Variants in NCEH1 observed in about 807,000 individuals in gnomAD.
NCEH1 encodes 2-acetyl MAGE hydrolase.
A neutral mutation model predicts 25.4 loss-of-function variants in NCEH1; 9 were observed. That is an observed-to-expected ratio of 0.35 (90% confidence interval 0.21 to 0.62). The LOEUF is 0.62. Ranked by LOEUF, NCEH1 falls within the 20% of genes least tolerant of loss-of-function variation. The pLI, the probability that NCEH1 is intolerant of heterozygous loss-of-function variation, is 0.72. For missense variants in NCEH1, 412 were observed against 501.1 expected (o/e 0.82, Z 1.70); for synonymous variants, 200 against 199.8 (o/e 1.00, Z -0.01).
rs1263277911 is a variant in NCEH1 at position 172,710,947 on chromosome 3, G to A, written c.38C>T (p.Ala13Val). 1 of 1,614,040 alleles carries A rather than the reference G, an allele frequency of 6.2e-7. No individual in the cohort carries two copies. Among genetic ancestry groups the A allele is most frequent in the Non-Finnish European group, 8.5e-7 (1 of 1,180,054 alleles). ...SSCVLLTALV[A>V]LAAYYVYIPL... ...GATGTAGACGTAATAGGCGGCCAGC[G>A]CCACCAGGGCGGTGAGCAGGACACA... is the stretch of plus-strand genomic sequence containing the variant. The change falls in exon 1 of 5, where the codon GCG (alanine) becomes GTG (valine). Residue 13 changes from alanine to valine, a missense_variant. This residue lies in a region of NCEH1 where 178 missense variants were observed against 189.2 expected (regional missense o/e 0.94). Transcript: ENST00000475381.
intron 3 of NCEH1, among the ~76,000 whole-genome samples, chr3:172,636,773 T>C (rs1716613866): frequency 6.6e-6 from 1 of 152,228 alleles, no homozygotes. Context: ...AATCCTACTC[T>C]GTACACCTAG....
intron 1 of NCEH1, among the ~76,000 whole-genome samples, chr3:172,664,916 C>G (rs992376439): frequency 6.6e-6 from 1 of 152,192 alleles, no homozygotes; most frequent in African/African-American, 2.4e-5. Flanking sequence ...CCTCCTTTAG[C>G]TGGGAGAAGT....
At chr3:172,706,196 T>G (rs1320418524) in intron 1 of NCEH1, among the ~76,000 whole-genome samples, 2 of 152,020 alleles carry the variant, frequency 1.3e-5, no homozygotes, top group African/African-American at 4.8e-5. Flanking sequence ...AATAATTTAT[T>G]ACTACATGTT....
Position 172,645,657 on chromosome 3 carries a change from C to T in NCEH1, c.403G>A (p.Ala135Thr), listed in dbSNP as rs770861785. 1.9e-6 allele frequency: 3 copies of T among 1,602,204 alleles called. No individual in the cohort carries two copies. In the African/African-American group the frequency reaches 4.0e-5, roughly 21 times the overall value. The stretch of plus-strand genomic sequence containing the variant: ...ACAATGACAGCATTCAATTCCTCAG[C>T]CATTGCTGTACACAGCTCATCATAA... ...RYYDELCTAM[A>T]EELNAVIVSI... is the part of the protein sequence containing the mutation. Residue 135 changes from alanine to threonine, a missense_variant, in exon 3 of 5, where the codon GCT becomes ACT. Transcript: ENST00000475381.
chr3:172,702,584 C>T (rs966013857), intron 1 of NCEH1, among the ~76,000 whole-genome samples: 8 of 152,188 alleles, frequency 5.3e-5, no homozygotes, highest in East Asian at 1.9e-4. Context: ...TATGTGATGA[C>T]GTCCAGGGTT....
chr3:172,698,964 A>G (rs1388271307), intron 1 of NCEH1, among the ~76,000 whole-genome samples: 1 of 152,256 alleles, frequency 6.6e-6, no homozygotes, highest in Non-Finnish European at 1.5e-5. Flanking sequence ...AACAAAAATA[A>G]AAGTCCTAAA....
At position 172,681,439 on chromosome 3, in the gene NCEH1, G is replaced by A. The variant is rs572648829; in HGVS notation, c.138+29408C>T. ...GAACACAATAAACGTATCCAAAGGT[G>A]AAAATAATGAATTTAACTTGAAACT... On this transcript the variant is annotated intron_variant, in intron 1 of 4. Transcript: ENST00000475381. Among the ~76,000 whole-genome samples the A allele has an allele frequency of 7.2e-5, 11 of 152,250 alleles. No homozygotes were observed. In the South Asian group the frequency reaches 2.3e-3, roughly 32 times the overall value.
intron 3 of NCEH1, among the ~76,000 whole-genome samples, chr3:172,638,274 TCC>T (rs1160216092): frequency 2.1e-4 from 2 of 9,388 alleles, no homozygotes; most frequent in African/African-American, 6.2e-4. Context: ...CGAGACTCTG[TCC>T]AAAAAAAAAA....
At chr3:172,647,263 G>T (rs1443465503) in intron 2 of NCEH1, among the ~76,000 whole-genome samples, 3 of 152,170 alleles carry the variant, frequency 2.0e-5, no homozygotes, top group Non-Finnish European at 4.4e-5. Flanking sequence ...GCCTTGGGAG[G>T]TTCTCTTCTG....
intron 1 of NCEH1, among the ~76,000 whole-genome samples, chr3:172,658,019 C>T (rs1210747336): frequency 2.0e-5 from 3 of 152,180 alleles, no homozygotes; most frequent in South Asian, 4.1e-4. Flanking sequence ...GGGCTGCATT[C>T]TCAGATGGTT....
chr3:172,644,537 C>T (rs939045803), intron 3 of NCEH1, among the ~76,000 whole-genome samples: 2 of 152,226 alleles, frequency 1.3e-5, no homozygotes, highest in African/African-American at 4.8e-5. Flanking sequence ...GGTCCAGAGA[C>T]CTCAGGAACT....
chr3:172,646,430 G>A (rs1194383133), intron 2 of NCEH1, among the ~76,000 whole-genome samples: 3 of 152,090 alleles, frequency 2.0e-5, no homozygotes, highest in African/African-American at 7.2e-5. Flanking sequence ...TCAATTTGAA[G>A]AATATGGTAT....
chr3:172,641,202 T>C (rs932591619), intron 3 of NCEH1, among the ~76,000 whole-genome samples: 7 of 150,802 alleles, frequency 4.6e-5, no homozygotes, highest in Non-Finnish European at 8.8e-5. Context: ...ATATTCTAGA[T>C]TGTATAAATG....
intron 1 of NCEH1, among the ~76,000 whole-genome samples, chr3:172,654,247 G>A (rs1350379936): frequency 1.3e-5 from 2 of 152,144 alleles, no homozygotes; most frequent in Non-Finnish European, 2.9e-5. Flanking sequence ...CTGGGCCCCT[G>A]GGCAAATGAC....
chr3:172,678,285 C>T (rs915297855), intron 1 of NCEH1, among the ~76,000 whole-genome samples: 3 of 152,182 alleles, frequency 2.0e-5, no homozygotes, highest in Admixed American at 6.5e-5. Context: ...ACAATTTCTA[C>T]AGCCAGTAGT....
chr3:172,657,111 A>AT (rs1038496178), intron 1 of NCEH1, among the ~76,000 whole-genome samples: 1 of 152,038 alleles, frequency 6.6e-6, no homozygotes, highest in African/African-American at 2.4e-5. Flanking sequence ...CAAAAGTTCC[A>AT]TTTTTTATTT....
chr3:172,692,616 C>T (rs1334035199), intron 1 of NCEH1, among the ~76,000 whole-genome samples: 2 of 151,960 alleles, frequency 1.3e-5, no homozygotes, highest in Non-Finnish European at 2.9e-5. Context: ...CCACTTGCCT[C>T]AGCCTCCTAG....
chr3:172,644,917 G>A (rs98106), intron 3 of NCEH1, among the ~76,000 whole-genome samples: 40,200 of 151,010 alleles, frequency 0.27, 5,520 homozygotes, highest in Non-Finnish European at 0.3. Context: ...ACAGAGGAAC[G>A]TGGGTTGCAA....
rs1393764137 is a variant in NCEH1, at chr3:172,630,741, A to G, written c.*2734T>C. 3 of 152,204 alleles carry G rather than the reference A, an allele frequency of 2.0e-5. No homozygotes were observed. Among genetic ancestry groups the G allele is most frequent in the Non-Finnish European group, 4.4e-5 (3 of 68,032 alleles). The allele number at this position is 152,204 out of a possible 1,614,324, so 9.4% of individuals were successfully genotyped here. On this transcript the variant is annotated 3_prime_UTR_variant, in exon 5 of 5. Transcript: ENST00000475381. Reference sequence around the variant, plus strand: ...TCCACACTGGATTTTCACTTTATAAAATATATTTGCTATTAAAATCATTCA... The same window carrying G: ...TCCACACTGGATTTTCACTTTATAAGATATATTTGCTATTAAAATCATTCA...
Sources: gnomAD v4.1 joint callset for allele counts (sites outside exome capture counted in the v4.1 genomes callset) on GRCh38, gnomAD v4.1.1 for gene constraint, gnomAD v4.1.1 regional missense constraint, MANE v1.5 for transcripts, NCBI Gene and HGNC (gene_info 2026-07-23, HGNC 2026-07-21) for gene names.